ABCC1: variants seen among roughly 807,000 people sequenced by gnomAD.
ABCC1 encodes ATP binding cassette subfamily C member 1 (ABCC1 blood group).
In ABCC1, 83 loss-of-function variants were observed where a neutral mutation model predicts 172.9. That is an observed-to-expected ratio of 0.48 (90% CI 0.40 to 0.58). ABCC1 has a LOEUF of 0.58. Among genes scored for constraint, ABCC1 ranks in the 20% least tolerant of loss-of-function variants. ABCC1 has a pLI of 0.00. For missense variants in ABCC1, 1,817 were observed against 2,002.7 expected (o/e 0.91, Z 1.77); for synonymous variants, 937 against 825.2 (o/e 1.14, Z -2.32).
intron 1 of ABCC1, among the ~76,000 whole-genome samples, chr16:15,991,629 C>T (rs912563953): frequency 2.0e-5 from 3 of 148,554 alleles, no homozygotes; most frequent in Non-Finnish European, 4.5e-5. Context: ...AAAGCAGCAC[C>T]TGTACTCACT....
chr16:16,031,814 A>C (rs1041994463), intron 5 of ABCC1, among the ~76,000 whole-genome samples: 2 of 151,844 alleles, frequency 1.3e-5, no homozygotes, highest in Non-Finnish European at 2.9e-5. Flanking sequence ...CTCTCCCTTC[A>C]GGACACACAT....
At chr16:16,004,118 A>G (rs12924212) in intron 1 of ABCC1, among the ~76,000 whole-genome samples, 75,612 of 151,754 alleles carry the variant, frequency 0.5, 19,707 homozygotes, top group Non-Finnish European at 0.59. Flanking sequence ...TGGCTATGAT[A>G]GGGAGGACTG....
chr16:16,054,950 C>T (rs2049587465), intron 11 of ABCC1, among the ~76,000 whole-genome samples: 1 of 152,178 alleles, frequency 6.6e-6, no homozygotes, highest in African/African-American at 2.4e-5. Flanking sequence ...CAACCATGGG[C>T]CAGGCACAGG....
intron 5 of ABCC1, among the ~76,000 whole-genome samples, chr16:16,025,568 A>G (rs2048341483): frequency 6.6e-6 from 1 of 152,220 alleles, no homozygotes; most frequent in African/African-American, 2.4e-5. Context: ...GAGCGGAGGT[A>G]ACCAGCAGAA....
intron 14 of ABCC1, among the ~76,000 whole-genome samples, chr16:16,073,040 C>CAAA (rs5815853): frequency 4.3e-5 from 5 of 115,858 alleles, no homozygotes; most frequent in African/African-American, 8.7e-5. Flanking sequence ...GACTTCATCT[C>CAAA]AAAAAAAAAA....
At chr16:16,115,222 A>C (rs1275920301) in intron 23 of ABCC1, 146 bp downstream of exon 23, 1 of 942,550 alleles carries the variant, frequency 1.1e-6, no homozygotes, top group Non-Finnish European at 1.5e-6. Context: ...CGAATACCTA[A>C]ATTGTTTTTT....
At chr16:15,978,010 C>T (rs902619261) in intron 1 of ABCC1, among the ~76,000 whole-genome samples, 2 of 152,134 alleles carry the variant, frequency 1.3e-5, no homozygotes, top group Admixed American at 1.3e-4. Context: ...GGAAAAAATA[C>T]TACCCATTTC....
intron 14 of ABCC1, among the ~76,000 whole-genome samples, chr16:16,073,667 G>A (rs908901942): frequency 2.6e-5 from 4 of 152,186 alleles, no homozygotes; most frequent in Admixed American, 6.5e-5. Flanking sequence ...TGAGGCAGGA[G>A]GATTGGCTGA....
At chr16:15,991,139 T>C (rs1448793816) in intron 1 of ABCC1, among the ~76,000 whole-genome samples, 1 of 151,940 alleles carries the variant, frequency 6.6e-6, no homozygotes, top group East Asian at 1.9e-4. Context: ...TGGCTGAGAT[T>C]AGGAGATCAC....
At chr16:15,979,913 A>G (rs867698840) in intron 1 of ABCC1, among the ~76,000 whole-genome samples, 1 of 152,158 alleles carries the variant, frequency 6.6e-6, no homozygotes, top group Non-Finnish European at 1.5e-5. Context: ...CCATTCATAG[A>G]TGCCCTAGGT....
chr16:16,049,989 C>T (rs1362339355), intron 10 of ABCC1, among the ~76,000 whole-genome samples: 1 of 152,134 alleles, frequency 6.6e-6, no homozygotes, highest in Admixed American at 6.6e-5. Flanking sequence ...CCACCGTGCC[C>T]AGCCCACTCC....
intron 15 of ABCC1, among the ~76,000 whole-genome samples, chr16:16,079,022 G>A (rs1459414962): frequency 2.0e-5 from 3 of 152,056 alleles, no homozygotes; most frequent in African/African-American, 7.2e-5. Flanking sequence ...CAGACCTTGC[G>A]TCATGCCCCC....
At chr16:16,012,738 A>G (rs2047839275) in intron 3 of ABCC1, among the ~76,000 whole-genome samples, 1 of 147,716 alleles carries the variant, frequency 6.8e-6, no homozygotes, top group Admixed American at 6.8e-5. Flanking sequence ...TCCCAGGCGC[A>G]ATGGCATGAT....
intron 5 of ABCC1, among the ~76,000 whole-genome samples, chr16:16,021,986 G>A (rs922756544): frequency 6.6e-6 from 1 of 152,190 alleles, no homozygotes; most frequent in Non-Finnish European, 1.5e-5. Flanking sequence ...GGGACAACCT[G>A]TTTGCTTGTT....
rs765994841 is a variant in ABCC1, at chr16:16,138,499, C to T, written c.4428C>T (p.Phe1476=). The change falls in exon 30 of 31, where the codon TTC becomes TTT. Residue 1476 remains phenylalanine, a synonymous_variant. Transcript: ENST00000399410. ...DLIQSTIRTQ[F]EDCTVLTIAH... ...TCCAGTCCACCATCCGGACACAGTTCGAGGACTGCACCGTCCTCACCATCG... is the reference window on the plus strand; with the variant it reads ...TCCAGTCCACCATCCGGACACAGTTTGAGGACTGCACCGTCCTCACCATCG... 1.7e-5 allele frequency: 28 copies of T among 1,612,650 alleles called. No individual in the cohort carries two copies. The highest frequency in any genetic ancestry group is 6.7e-5 in the East Asian group (3 of 44,836).
chr16:16,106,647 T>C (rs2052126220), intron 20 of ABCC1, 91 bp from the exon 21 acceptor site: 2 of 1,542,172 alleles, frequency 1.3e-6, no homozygotes, highest in African/African-American at 2.7e-5. Context: ...TATGCCATGG[T>C]TCAGACCCAC....
At chr16:15,951,723 T>C (rs2045879044) in intron 1 of ABCC1, among the ~76,000 whole-genome samples, 2 of 152,124 alleles carry the variant, frequency 1.3e-5, no homozygotes, top group African/African-American at 4.8e-5. Flanking sequence ...AGAGTCTTGC[T>C]CTGTCACCCA....
At chr16:16,032,346 A>T (rs911251716) in intron 5 of ABCC1, among the ~76,000 whole-genome samples, 10 of 152,316 alleles carry the variant, frequency 6.6e-5, no homozygotes, top group African/African-American at 1.9e-4. Flanking sequence ...AGATTAAATA[A>T]GGTAGTTTGT....
intron 1 of ABCC1, among the ~76,000 whole-genome samples, chr16:15,952,019 G>C (rs570883794): frequency 6.6e-6 from 1 of 152,156 alleles, no homozygotes; most frequent in East Asian, 1.9e-4. Flanking sequence ...TAGCGTGTCC[G>C]AGGCCAGGAG....
Sources: allele counts gnomAD v4.1 joint callset (sites outside exome capture counted in the v4.1 genomes callset), GRCh38; gene constraint gnomAD v4.1.1; transcripts MANE v1.5; gene names NCBI Gene and HGNC (gene_info 2026-07-23, HGNC 2026-07-21).